The following PBX1 variants were observed in gnomAD, a reference collection of about 807,000 sequenced individuals.
The protein encoded by PBX1 is pre-B-cell leukemia transcription factor 1.
Under a neutral mutation model 53.4 loss-of-function variants are expected in PBX1, and 6 were observed. The observed-to-expected ratio is 0.11, with a 90% CI of 0.06 to 0.22. The LOEUF (loss-of-function observed/expected upper bound fraction) is 0.22, where lower values mean the gene tolerates loss of function less well. Ranked by LOEUF, PBX1 falls within the 10% of genes least tolerant of loss-of-function variation. The pLI is 1.00. For synonymous variants in PBX1, 204 were observed against 212.3 expected (o/e 0.96, Z 0.34); for missense variants, 251 against 551.4 (o/e 0.46, Z 5.46).
chr1:164,697,256 A>G (rs887549364), intron 2 of PBX1, among the ~76,000 whole-genome samples: 10 of 152,188 alleles, frequency 6.6e-5, no homozygotes, highest in Admixed American at 1.3e-4. Context: ...GAATTGGCAG[A>G]GCAGGGATTA....
At chr1:164,651,449 C>T (rs532045273) in intron 2 of PBX1, among the ~76,000 whole-genome samples, 44 of 152,166 alleles carry the variant, frequency 2.9e-4, no homozygotes, top group African/African-American at 1.1e-3. Flanking sequence ...ATGTCATTAA[C>T]GCACAGAGAG....
At chr1:164,596,821 A>T (rs1374506571) in intron 2 of PBX1, among the ~76,000 whole-genome samples, 1 of 151,880 alleles carries the variant, frequency 6.6e-6, no homozygotes, top group Non-Finnish European at 1.5e-5. Flanking sequence ...TTGTTTCCAC[A>T]CTCATCTCTG....
intron 2 of PBX1, among the ~76,000 whole-genome samples, chr1:164,587,671 A>C (rs1433493351): frequency 6.6e-6 from 1 of 152,196 alleles, no homozygotes; most frequent in Non-Finnish European, 1.5e-5. Context: ...GTTTCTCAGA[A>C]GATTAATGAA....
At chr1:164,720,519 A>G (rs1664345738) in intron 2 of PBX1, among the ~76,000 whole-genome samples, 1 of 152,172 alleles carries the variant, frequency 6.6e-6, no homozygotes. Flanking sequence ...TCTGGCCACA[A>G]AGGAAGCAAT....
intron 2 of PBX1, among the ~76,000 whole-genome samples, chr1:164,590,846 T>C (rs1228927380): frequency 1.3e-5 from 2 of 151,708 alleles, no homozygotes; most frequent in Admixed American, 1.3e-4. Context: ...TTTATTGAGG[T>C]TTTTGTTTGT....
chr1:164,846,884 T>G lies in PBX1; in HGVS notation c.*208T>G. 7.2e-7 allele frequency: 1 copy of G among 1,394,500 alleles called. No homozygotes were observed. Among genetic ancestry groups the G allele is most frequent in the East Asian group, 2.5e-5 (1 of 39,480 alleles). 86.4% of individuals were successfully genotyped at this position (1,394,500 alleles called of 1,614,324 possible). Reference sequence around the variant, plus strand: ...TACTCTCTTCCCTTTTTTTTCTGGGTAGAAGCCACCCTTCCCTGCCTCCAG... The same window carrying G: ...TACTCTCTTCCCTTTTTTTTCTGGGGAGAAGCCACCCTTCCCTGCCTCCAG... On this transcript the variant is annotated 3_prime_UTR_variant, in exon 9 of 9. Coordinates refer to ENST00000420696, the MANE Select transcript of PBX1 (RefSeq NM_002585.4).
chr1:164,671,467 C>G (rs1173264098), intron 2 of PBX1, among the ~76,000 whole-genome samples: 1 of 152,116 alleles, frequency 6.6e-6, no homozygotes, highest in Admixed American at 6.5e-5. Flanking sequence ...CATACACTCG[C>G]CTGCCAGTGC....
At position 164,644,584 on chromosome 1, in the gene PBX1, G is replaced by C. The variant is rs548943692; in HGVS notation, c.265+81273G>C. On this transcript the variant is annotated intron_variant, in intron 2 of 8. Coordinates refer to ENST00000420696, the MANE Select transcript of PBX1 (RefSeq NM_002585.4). ...CTTTTGTTTTTTTTTTTCCTAAATG[G>C]AGATAAAGTTGGAAGTTAAAAGCAA... Among the ~76,000 whole-genome samples the C allele has an allele frequency of 6.1e-4, 93 of 151,742 alleles. 1 individual carries two copies. Among genetic ancestry groups the C allele is most frequent in the African/African-American group, 2.2e-3 (90 of 41,382 alleles).
intron 2 of PBX1, among the ~76,000 whole-genome samples, chr1:164,698,636 T>C (rs1662925944): frequency 6.6e-6 from 1 of 152,182 alleles, no homozygotes; most frequent in South Asian, 2.1e-4. Context: ...AGGGCCCATG[T>C]ACTTAAGTTT....
At chr1:164,766,208 A>C (rs1667051582) in intron 2 of PBX1, among the ~76,000 whole-genome samples, 1 of 152,236 alleles carries the variant, frequency 6.6e-6, no homozygotes, top group Admixed American at 6.5e-5. Flanking sequence ...GGTGAAGGGA[A>C]TCTAGAAGGA....
intron 8 of PBX1, among the ~76,000 whole-genome samples, chr1:164,838,569 G>A (rs1321622509): frequency 1.3e-5 from 2 of 152,198 alleles, no homozygotes; most frequent in Non-Finnish European, 2.9e-5. Flanking sequence ...TGCATGTGGA[G>A]CGCACACATT....
chr1:164,875,699 C>G (rs541359588), intron 2 of PBX1, among the ~76,000 whole-genome samples: 1 of 152,154 alleles, frequency 6.6e-6, no homozygotes, highest in African/African-American at 2.4e-5. Context: ...CTTAAGAGAG[C>G]TAGCAGGCAG....
intron 2 of PBX1, among the ~76,000 whole-genome samples, chr1:164,649,591 A>G (rs1238148477): frequency 6.6e-6 from 1 of 152,080 alleles, no homozygotes; most frequent in Non-Finnish European, 1.5e-5. Context: ...TTGGCTTCCT[A>G]GATTGTGTCC....
At chr1:164,832,070 G>C (rs1447100909) in intron 8 of PBX1, among the ~76,000 whole-genome samples, 5 of 152,154 alleles carry the variant, frequency 3.3e-5, no homozygotes, top group Non-Finnish European at 5.9e-5. Flanking sequence ...TTGAATTATA[G>C]TGTGATTACC....
chr1:164,600,321 G>A (rs1167406160), intron 2 of PBX1, among the ~76,000 whole-genome samples: 4 of 143,008 alleles, frequency 2.8e-5, no homozygotes, highest in Non-Finnish European at 4.5e-5. Context: ...GCGTGATCTC[G>A]GCTCACCGCA....
intron 6 of PBX1, chr1:164,814,721 A>C (rs1239457329): frequency 6.5e-6 from 1 of 153,448 alleles, no homozygotes; most frequent in African/African-American, 2.4e-5. Context: ...CCTGGGCAAC[A>C]CAGCGAAACT....
chr1:164,649,046 G>T (rs1344938224), intron 2 of PBX1, among the ~76,000 whole-genome samples: 1 of 152,034 alleles, frequency 6.6e-6, no homozygotes, highest in Non-Finnish European at 1.5e-5. Context: ...GGGTTACTTT[G>T]TGTTCATTCT....
At chr1:164,572,868 C>T (rs1449620830) in intron 2 of PBX1, among the ~76,000 whole-genome samples, 1 of 152,118 alleles carries the variant, frequency 6.6e-6, no homozygotes, top group Non-Finnish European at 1.5e-5. Flanking sequence ...GTTGAGTTTT[C>T]TACTACCTCT....
At chr1:164,755,162 G>C (rs1666441502) in intron 2 of PBX1, among the ~76,000 whole-genome samples, 1 of 152,150 alleles carries the variant, frequency 6.6e-6, no homozygotes, top group Non-Finnish European at 1.5e-5. Flanking sequence ...CTGTGAACTA[G>C]ACATCCTGCT....
Sources: gnomAD v4.1 joint callset for allele counts (sites outside exome capture counted in the v4.1 genomes callset) on GRCh38, gnomAD v4.1.1 for gene constraint, MANE v1.5 for transcripts, NCBI Gene and HGNC (gene_info 2026-07-23, HGNC 2026-07-21) for gene names.